The following PPARGC1A variants were observed in gnomAD, a reference collection of about 807,000 sequenced individuals.
PPARGC1A encodes the protein PPARG coactivator 1 alpha.
PPARGC1A carries 25 observed loss-of-function variants against 88.7 expected under a neutral mutation model. The observed-to-expected ratio is 0.28, with a 90% confidence interval of 0.21 to 0.39. The LOEUF (loss-of-function observed/expected upper bound fraction) is 0.39. PPARGC1A is among the 10% of genes least tolerant of loss of function. The pLI, the probability that PPARGC1A is intolerant of heterozygous loss-of-function variation, is 1.00. For missense variants in PPARGC1A, 880 were observed against 968.7 expected, an observed-to-expected ratio of 0.91 and a Z score of 1.22; for synonymous variants, 363 against 355.6, an observed-to-expected ratio of 1.02 and a Z score of -0.24.
intron 2 of PPARGC1A, among the ~76,000 whole-genome samples, chr4:23,876,453 G>A (rs539551177): frequency 6.6e-6 from 1 of 152,278 alleles, no homozygotes; most frequent in East Asian, 1.9e-4. Flanking sequence ...TTTGCAAATA[G>A]CTCTGAGGCT....
the PPARGC1A span, among the ~76,000 whole-genome samples, chr4:24,137,827 T>C: frequency 6.6e-6 from 1 of 152,180 alleles, no homozygotes; most frequent in Admixed American, 6.5e-5. Context: ...TTCAAAATCC[T>C]TTCCCTGAAA....
the PPARGC1A span, among the ~76,000 whole-genome samples, chr4:23,937,769 C>T: frequency 1.8e-3 from 278 of 152,250 alleles, no homozygotes; most frequent in African/African-American, 6.1e-3. Context: ...CAGAAATGAT[C>T]TCTCTGCCCC....
At chr4:23,938,107 T>TA in the PPARGC1A span, among the ~76,000 whole-genome samples, 469 of 146,402 alleles carry the variant, frequency 3.2e-3, 3 homozygotes, top group Non-Finnish European at 4.7e-3. Flanking sequence ...TCAGGGAGAC[T>TA]AAAAAAAAAA....
At chr4:23,959,561 T>C in the PPARGC1A span, among the ~76,000 whole-genome samples, 1 of 152,084 alleles carries the variant, frequency 6.6e-6, no homozygotes, top group Non-Finnish European at 1.5e-5. Flanking sequence ...CAGCATGACG[T>C]GGCTTTGGGG....
the PPARGC1A span, among the ~76,000 whole-genome samples, chr4:23,983,529 A>C: frequency 6.6e-6 from 1 of 152,194 alleles, no homozygotes; most frequent in South Asian, 2.1e-4. Context: ...CTTTCATACA[A>C]GGAATAAGTT....
At chr4:23,895,839 T>C (rs936311314) in intron 1 of PPARGC1A, among the ~76,000 whole-genome samples, 7 of 151,988 alleles carry the variant, frequency 4.6e-5, no homozygotes, top group African/African-American at 1.7e-4. Context: ...AGATTTTTCA[T>C]ATTAGGATGC....
At chr4:23,839,597 A>AT (rs1726682175) in intron 2 of PPARGC1A, among the ~76,000 whole-genome samples, 1 of 152,164 alleles carries the variant, frequency 6.6e-6, no homozygotes, top group Admixed American at 6.5e-5. Flanking sequence ...CTCTGGCTGC[A>AT]TTGCATAGTC....
rs115977453 is a variant in PPARGC1A at position 23,870,560 on chromosome 4, T to C, written c.234+14192A>G. On this transcript the variant is annotated intron_variant, in intron 2 of 12. Coordinates refer to ENST00000264867, the MANE Select transcript of PPARGC1A (RefSeq NM_013261.5). ...TTTCTTCAAATGTCATATGTGCTCA[T>C]AGAACATCACATATTGAATAGAACA... Among the ~76,000 whole-genome samples, 864 of 152,298 alleles carry C rather than the reference T, an allele frequency of 5.7e-3. 3 individuals carry two copies. Among genetic ancestry groups the C allele is most frequent in the Middle Eastern group, 0.017 (5 of 294 alleles).
At chr4:24,308,107 C>G in the PPARGC1A span, among the ~76,000 whole-genome samples, 2 of 151,952 alleles carry the variant, frequency 1.3e-5, no homozygotes, top group Non-Finnish European at 2.9e-5. Flanking sequence ...GCCTGGCCAA[C>G]ATGATTAAAC....
the PPARGC1A span, among the ~76,000 whole-genome samples, chr4:24,158,621 G>A: frequency 6.6e-6 from 1 of 152,172 alleles, no homozygotes; most frequent in South Asian, 2.1e-4. Flanking sequence ...CTGTTCTGAG[G>A]ACACTGACCA....
At chr4:24,122,418 T>TGTGTGTGC in the PPARGC1A span, among the ~76,000 whole-genome samples, 17 of 96,874 alleles carry the variant, frequency 1.8e-4, no homozygotes, top group Non-Finnish European at 2.2e-4. Context: ...TGTGTGTGCA[T>TGTGTGTGC]ATATATATAT....
At chr4:24,299,847 G>C in the PPARGC1A span, among the ~76,000 whole-genome samples, 1 of 152,120 alleles carries the variant, frequency 6.6e-6, no homozygotes, top group Non-Finnish European at 1.5e-5. Context: ...AGGCTAGAAA[G>C]CACCATTTTC....
Position 23,814,057 on chromosome 4 carries a change from C to T in PPARGC1A, c.1426G>A (p.Asp476Asn), listed in dbSNP as rs143142906. ...FGHPSQAVFD[D>N]EADKTGELRD... ...AGTTCACCGGTCTTGTCTGCTTCGT[C>T]GTCAAAAACAGCTTGACTGGGATGA... The change falls in exon 8 of 13, where the codon GAC becomes AAC. Residue 476 changes from aspartate (D) to asparagine (N), a missense_variant. Coordinates refer to ENST00000264867, the MANE Select transcript of PPARGC1A (RefSeq NM_013261.5). 2.2e-5 allele frequency: 36 copies of T among 1,613,904 alleles called. 1 individual carries two copies. The highest frequency in any genetic ancestry group is 1.6e-4 in the Middle Eastern group (1 of 6,082).
chr4:24,458,465 C>T, the PPARGC1A span, among the ~76,000 whole-genome samples: 13 of 152,108 alleles, frequency 8.5e-5, no homozygotes, highest in South Asian at 6.2e-4. Context: ...CGTGCCACTG[C>T]GCTCCATCCT....
At chr4:23,968,853 A>T in the PPARGC1A span, among the ~76,000 whole-genome samples, 1 of 151,756 alleles carries the variant, frequency 6.6e-6, no homozygotes, top group African/African-American at 2.4e-5. Context: ...TGGAGGTTGC[A>T]GTGAGCCGAG....
the PPARGC1A span, among the ~76,000 whole-genome samples, chr4:24,351,787 C>T: frequency 6.6e-6 from 1 of 151,820 alleles, no homozygotes; most frequent in East Asian, 1.9e-4. Context: ...TACTCTGACA[C>T]TATTTTCTAA....
At chr4:24,340,565 C>T in the PPARGC1A span, among the ~76,000 whole-genome samples, 1 of 151,252 alleles carries the variant, frequency 6.6e-6, no homozygotes, top group African/African-American at 2.4e-5. Context: ...GGCTACAAAA[C>T]TTTTTTTTTA....
the PPARGC1A span, among the ~76,000 whole-genome samples, chr4:23,954,539 A>G: frequency 6.6e-6 from 1 of 152,064 alleles, no homozygotes; most frequent in Admixed American, 6.6e-5. Flanking sequence ...AAAGTTTGAA[A>G]TATTCTTGGT....
chr4:23,972,965 CCTCAGCTG>C, the PPARGC1A span, among the ~76,000 whole-genome samples: 2 of 152,104 alleles, frequency 1.3e-5, no homozygotes, highest in African/African-American at 4.8e-5. Context: ...TTTGAGAATC[CCTCAGCTG>C]CTCGTTAAGC....
Sources: gnomAD v4.1 joint callset for allele counts (sites outside exome capture counted in the v4.1 genomes callset) on GRCh38, gnomAD v4.1.1 for gene constraint, MANE v1.5 for transcripts, NCBI Gene and HGNC (gene_info 2026-07-23, HGNC 2026-07-21) for gene names.